CLVS1: variants seen among roughly 807,000 people sequenced by gnomAD.
The protein encoded by CLVS1 is clavesin-1.
A neutral mutation model predicts 33.1 loss-of-function variants in CLVS1; 10 were observed. The ratio of observed to expected loss-of-function variants is 0.30; its 90% CI spans 0.19 to 0.51. The LOEUF (loss-of-function observed/expected upper bound fraction) is 0.51, where lower values mean the gene tolerates loss of function less well. Ranked by LOEUF, CLVS1 falls within the 20% of genes least tolerant of loss-of-function variation. The pLI, the probability that CLVS1 is intolerant of heterozygous loss-of-function variation, is 0.97. For missense variants in CLVS1, 343 were observed against 433.4 expected (o/e 0.79, Z 1.85); for synonymous variants, 163 against 166.1 (o/e 0.98, Z 0.14).
At chr8:61,118,220 C>G (rs1418757473) in intron 1 of CLVS1, among the ~76,000 whole-genome samples, 1 of 151,978 alleles carries the variant, frequency 6.6e-6, no homozygotes, top group Non-Finnish European at 1.5e-5. Context: ...GTGGTGATAT[C>G]CCCTTTATCA....
rs1401706592 is a variant in CLVS1 at position 61,272,123 on chromosome 8, G to A, written c.-151-27554G>A. ...TTACATTTTGGCATGATTTTGCAGC[G>A]GCTGGTACTGGTTGTTCCTTTCCAT... On this transcript the variant is annotated intron_variant, in intron 2 of 2. Coordinates refer to the CLVS1 transcript ENST00000522621. Among the ~76,000 whole-genome samples the A allele has an allele frequency of 8.6e-5, 13 of 151,392 alleles. No homozygotes were observed. In the South Asian group the frequency reaches 1.5e-3, roughly 17 times the overall value.
intron 3 of CLVS1, among the ~76,000 whole-genome samples, chr8:61,408,424 C>A (rs1342590020): frequency 6.6e-6 from 1 of 152,180 alleles, no homozygotes; most frequent in East Asian, 1.9e-4. Context: ...CTTTCTCCTT[C>A]CCCTAGCTGC....
the CLVS1 span, among the ~76,000 whole-genome samples, chr8:61,017,544 T>A: frequency 6.6e-6 from 1 of 152,362 alleles, no homozygotes; most frequent in South Asian, 2.1e-4. Context: ...ATTTCCAATT[T>A]GAATGAAGCC....
chr8:61,222,459 C>A (rs1808237415), intron 2 of CLVS1, among the ~76,000 whole-genome samples: 1 of 152,160 alleles, frequency 6.6e-6, no homozygotes, highest in African/African-American at 2.4e-5. Context: ...TATTCAGGAG[C>A]AGGTTGTTCA....
chr8:60,994,629 GGTAA>G, the CLVS1 span, among the ~76,000 whole-genome samples: 5 of 150,912 alleles, frequency 3.3e-5, no homozygotes, highest in Non-Finnish European at 5.9e-5. Context: ...ACTGGCAAGG[GGTAA>G]ATGAGTGGTG....
intron 3 of CLVS1, among the ~76,000 whole-genome samples, chr8:61,382,168 G>A (rs947099025): frequency 1.3e-5 from 2 of 152,092 alleles, no homozygotes; most frequent in Non-Finnish European, 2.9e-5. Flanking sequence ...CACATCAATG[G>A]GCAATGGTAG....
intron 3 of CLVS1, among the ~76,000 whole-genome samples, chr8:61,394,092 A>G (rs1225327746): frequency 6.6e-6 from 1 of 152,196 alleles, no homozygotes; most frequent in African/African-American, 2.4e-5. Context: ...CACGCCTCTA[A>G]TCCCAGCACT....
chr8:61,211,676 G>GC (rs1180573284), intron 2 of CLVS1, among the ~76,000 whole-genome samples: 1 of 152,164 alleles, frequency 6.6e-6, no homozygotes, highest in African/African-American at 2.4e-5. Flanking sequence ...CAGAATTATG[G>GC]CCCCCCAAAG....
At chr8:61,127,782 A>T (rs778119572) in intron 1 of CLVS1, among the ~76,000 whole-genome samples, 2 of 152,172 alleles carry the variant, frequency 1.3e-5, no homozygotes, top group Non-Finnish European at 2.9e-5. Context: ...GTCTAGACAG[A>T]TATTCCCTCT....
chr8:61,298,469 A>T (rs531816912), intron 1 of CLVS1, among the ~76,000 whole-genome samples: 6 of 152,194 alleles, frequency 3.9e-5, no homozygotes, highest in Non-Finnish European at 7.3e-5. Context: ...GTATCCAAAG[A>T]CATATAAAGT....
At chr8:61,319,047 A>G (rs1238587174) in intron 2 of CLVS1, among the ~76,000 whole-genome samples, 3 of 152,260 alleles carry the variant, frequency 2.0e-5, no homozygotes, top group South Asian at 4.1e-4. Context: ...TATTTTAAAC[A>G]TACATATTTT....
At chr8:61,022,917 C>A in the CLVS1 span, among the ~76,000 whole-genome samples, 1 of 152,134 alleles carries the variant, frequency 6.6e-6, no homozygotes, top group Non-Finnish European at 1.5e-5. Context: ...ATAATGTGTG[C>A]GCCGGAGCTA....
At chr8:61,047,381 T>C in the CLVS1 span, among the ~76,000 whole-genome samples, 4 of 152,210 alleles carry the variant, frequency 2.6e-5, no homozygotes, top group Non-Finnish European at 5.9e-5. Flanking sequence ...AGTTCAACCA[T>C]TGTGGAAGTC....
intron 1 of CLVS1, among the ~76,000 whole-genome samples, chr8:61,295,507 A>G (rs891276058): frequency 3.9e-5 from 6 of 152,182 alleles, no homozygotes; most frequent in African/African-American, 1.4e-4. Context: ...AAGGCAGAGT[A>G]TTAGGCCACC....
the CLVS1 span, among the ~76,000 whole-genome samples, chr8:61,037,352 C>T: frequency 3.4e-3 from 525 of 152,248 alleles, 4 homozygotes; most frequent in African/African-American, 0.012. Context: ...TTTGACCGCT[C>T]CAGGTACCTG....
At chr8:61,273,635 T>C (rs995443759) in intron 2 of CLVS1, among the ~76,000 whole-genome samples, 1 of 152,138 alleles carries the variant, frequency 6.6e-6, no homozygotes, top group African/African-American at 2.4e-5. Flanking sequence ...GTGCTAGCAA[T>C]CAGCGAGACT....
chr8:61,071,226 G>A lies in CLVS1; in HGVS notation c.-243+13996G>A, dbSNP rs146556773. On this transcript the variant is annotated intron_variant, in intron 1 of 2. Coordinates refer to the CLVS1 transcript ENST00000522621. Reference sequence around the variant, plus strand: ...TTTTTCCAAAGTGTGTTCATTTCTTGTTGCTGCTGTAAGAAAGTATCTGAC... The same window carrying A: ...TTTTTCCAAAGTGTGTTCATTTCTTATTGCTGCTGTAAGAAAGTATCTGAC... Among the ~76,000 whole-genome samples the A allele has an allele frequency of 1.1e-4, 17 of 152,348 alleles. No individual in the cohort carries two copies. In the East Asian group the frequency reaches 3.3e-3, roughly 29 times the overall value.
At chr8:61,338,990 G>GTATGCA (rs1811912036) in intron 2 of CLVS1, among the ~76,000 whole-genome samples, 1 of 137,980 alleles carries the variant, frequency 7.2e-6, no homozygotes, top group Non-Finnish European at 1.6e-5. Context: ...GTGTGTGTGT[G>GTATGCA]TGTATGCATG....
At chr8:60,993,960 G>A in the CLVS1 span, among the ~76,000 whole-genome samples, 1 of 152,164 alleles carries the variant, frequency 6.6e-6, no homozygotes, top group Non-Finnish European at 1.5e-5. Context: ...TTCTGTCATG[G>A]AGCCTTTCTG....
Sources: allele counts gnomAD v4.1 joint callset (sites outside exome capture counted in the v4.1 genomes callset), GRCh38; gene constraint gnomAD v4.1.1; transcripts MANE v1.5; gene names NCBI Gene and HGNC (gene_info 2026-07-23, HGNC 2026-07-21).